Variants in SETX observed in about 807,000 individuals in gnomAD.
SETX encodes senataxin, also known as helicase senataxin.
Under a neutral mutation model 227.2 loss-of-function variants are expected in SETX, and 90 were observed. The ratio of observed to expected loss-of-function variants is 0.40; its 90% CI spans 0.33 to 0.47. The LOEUF (loss-of-function observed/expected upper bound fraction) is 0.47, where lower values mean the gene tolerates loss of function less well. Among genes scored for constraint, SETX ranks in the 20% least tolerant of loss-of-function variants. SETX has a pLI of 0.91. For missense variants in SETX, 3,052 were observed against 3,181.5 expected (o/e 0.96, Z 0.98); for synonymous variants, 1,210 against 1,113.2 (o/e 1.09, Z -1.73).
chr9:132,277,452 T>C (rs1487245941), intron 21 of SETX, among the ~76,000 whole-genome samples: 1 of 152,034 alleles, frequency 6.6e-6, no homozygotes, highest in Non-Finnish European at 1.5e-5. Context: ...CCTTCAAAAA[T>C]TTAAAAAGTA....
chr9:132,307,334 A>G (rs1182307066), intron 11 of SETX, among the ~76,000 whole-genome samples: 1 of 140,224 alleles, frequency 7.1e-6, no homozygotes, highest in Non-Finnish European at 1.5e-5. Context: ...ACAGAGCTAA[A>G]TAAGTTTTTT....
chr9:132,349,142 C>G lies in SETX; in HGVS notation c.177+110G>C, dbSNP rs1036587403. 9 of 1,106,710 alleles carry G rather than the reference C, an allele frequency of 8.1e-6. No individual in the cohort carries two copies. The Admixed American group carries it at 8.9e-5, about 11-fold the overall frequency. The allele number at this position is 1,106,710 out of a possible 1,614,324, so 68.6% of individuals were successfully genotyped here. On this transcript the variant is annotated intron_variant, in intron 3 of 25. Coordinates refer to ENST00000224140, the MANE Select transcript of SETX (RefSeq NM_015046.7). ...AAACAAAAACAAAAAAAAAAACCCA[C>G]AAAGTTGAAATCGTATCATCATTTC...
At chr9:132,292,145 A>G (rs1033326419) in intron 15 of SETX, among the ~76,000 whole-genome samples, 2 of 152,190 alleles carry the variant, frequency 1.3e-5, no homozygotes, top group Non-Finnish European at 2.9e-5. Context: ...GAATAAATAT[A>G]TAATACAGCA....
intron 5 of SETX, among the ~76,000 whole-genome samples, chr9:132,341,659 T>A (rs539279039): frequency 0.059 from 8,987 of 152,264 alleles, 382 homozygotes; most frequent in East Asian, 0.25. Context: ...TGTAAACAGC[T>A]TTTAAAAAGC....
intron 2 of SETX, among the ~76,000 whole-genome samples, chr9:132,352,013 C>T (rs1848629579): frequency 6.6e-6 from 1 of 152,212 alleles, no homozygotes; most frequent in South Asian, 2.1e-4. Context: ...ATCCATTTCT[C>T]AACATTAACT....
intron 15 of SETX, among the ~76,000 whole-genome samples, chr9:132,289,142 T>C (rs775484377): frequency 6.6e-6 from 1 of 152,180 alleles, no homozygotes; most frequent in Non-Finnish European, 1.5e-5. Context: ...ATTGCCATCA[T>C]GTTCCCATGA....
Position 132,335,032 on chromosome 9 carries a change from G to GA in SETX, c.719-306dup, listed in dbSNP as rs58780019. On this transcript the variant is annotated intron_variant, in intron 6 of 25. Coordinates refer to ENST00000224140, the MANE Select transcript of SETX (RefSeq NM_015046.7). ...CCATATTCCATATACCACTAAGAAA[G>GA]AAAAAAAAAATCACTGCCATTTATG... Among the ~76,000 whole-genome samples the GA allele has an allele frequency of 0.088, 13,086 of 148,508 alleles. 780 individuals are homozygous for GA. Among genetic ancestry groups the GA allele is most frequent in the East Asian group, 0.26 (1,328 of 5,110 alleles).
At chr9:132,299,619 A>G (rs988323902) in intron 12 of SETX, among the ~76,000 whole-genome samples, 5 of 152,240 alleles carry the variant, frequency 3.3e-5, no homozygotes, top group African/African-American at 1.2e-4. Context: ...TCTTCACATA[A>G]CTAAGACTAA....
intron 15 of SETX, among the ~76,000 whole-genome samples, chr9:132,294,536 T>C (rs1205863673): frequency 6.6e-6 from 1 of 152,234 alleles, no homozygotes; most frequent in East Asian, 1.9e-4. Flanking sequence ...AAATGAATTC[T>C]ACGTGTAGGT....
intron 24 of SETX, 90 bp from the exon 25 acceptor site, chr9:132,269,792 G>A (rs1472187683): frequency 1.2e-5 from 15 of 1,276,820 alleles, no homozygotes; most frequent in Non-Finnish European, 1.6e-5. Context: ...GACTCAACGT[G>A]CCCGTGTCTG....
chr9:132,296,020 C>T lies in SETX; in HGVS notation c.5958G>A (p.Arg1986=), dbSNP rs1844649298. 1.2e-6 allele frequency: 2 copies of T among 1,614,044 alleles called. No individual in the cohort carries two copies. The highest frequency in any genetic ancestry group is 1.7e-6 in the Non-Finnish European group (2 of 1,180,046). The change falls in exon 15 of 26, where the codon AGG becomes AGA. Residue 1986 remains arginine (R), a synonymous_variant. Coordinates refer to ENST00000224140, the MANE Select transcript of SETX (RefSeq NM_015046.7). ...TGGAGTTTTCGTCTGAATGCCCCTT[C>T]CTCTGGTTCTACAATTTGCCACATA... ...LLYRLLTENQ[R]KGHSDENSNA...
Position 132,340,257 on chromosome 9 carries a change from T to C in SETX, c.498+2433A>G, listed in dbSNP as rs1289539202. Among the ~76,000 whole-genome samples the C allele has an allele frequency of 2.6e-5, 4 of 152,330 alleles. 1 individual carries two copies. The South Asian group carries it at 8.3e-4, about 32-fold the overall frequency. ...GGTCCATGTGCACAATGTGTAGGTT[T>C]GTTGGTTCTCACGTTTTCTAGTTCT... On this transcript the variant is annotated intron_variant, in intron 5 of 25. Coordinates refer to ENST00000224140, the MANE Select transcript of SETX (RefSeq NM_015046.7).
intron 23 of SETX, among the ~76,000 whole-genome samples, chr9:132,273,051 AG>A (rs373423969): frequency 3.5e-4 from 53 of 152,276 alleles, no homozygotes; most frequent in African/African-American, 1.2e-3. Context: ...TGGGCAACTT[AG>A]GAAGACCTTG....
At chr9:132,293,489 T>G (rs1235522369) in intron 15 of SETX, among the ~76,000 whole-genome samples, 2 of 152,132 alleles carry the variant, frequency 1.3e-5, no homozygotes, top group African/African-American at 4.8e-5. Flanking sequence ...GGGCGCGATC[T>G]CGGCTCACTG....
rs1190665958 is a variant in SETX, at chr9:132,330,268, G to A, written c.1330C>T (p.Leu444Phe). ...TCACACACAGCATCTGTTTGGTTGA[G>A]GACTTCTTTGACTTCAGAGTACAGA... ...NHLYSEVKEV[L>F]NQTDAVCDKV... The change falls in exon 10 of 26, where the codon CTC becomes TTC. Residue 444 changes from leucine to phenylalanine, a missense_variant. By Grantham distance (22) the Leu-to-Phe change is conservative. This residue lies in a region of SETX where 179 missense variants were observed against 197.1 expected (regional missense o/e 0.91). Transcript: ENST00000224140. The A allele has an allele frequency of 6.3e-7, 1 of 1,583,272 alleles. No individual in the cohort carries two copies. Among genetic ancestry groups the A allele is most frequent in the Non-Finnish European group, 8.6e-7 (1 of 1,163,394 alleles).
intron 11 of SETX, among the ~76,000 whole-genome samples, chr9:132,306,767 C>G (rs1845358938): frequency 6.6e-6 from 1 of 152,002 alleles, no homozygotes. Flanking sequence ...GTGCAGTGAC[C>G]ATTCACATAT....
intron 2 of SETX, among the ~76,000 whole-genome samples, chr9:132,350,306 C>T (rs1042055818): frequency 1.3e-5 from 2 of 152,022 alleles, no homozygotes; most frequent in African/African-American, 4.8e-5. Context: ...GCCAAGATTG[C>T]GCCACTGCAC....
intron 9 of SETX, 44 bp downstream of exon 9, chr9:132,331,008 T>C (rs1322321761): frequency 7.2e-7 from 1 of 1,395,378 alleles, no homozygotes; most frequent in Non-Finnish European, 1.0e-6. Flanking sequence ...CTACACAATA[T>C]AAAGGCAATA....
chr9:132,265,447 G>A (rs1054347510), intron 25 of SETX, among the ~76,000 whole-genome samples: 34 of 151,846 alleles, frequency 2.2e-4, no homozygotes, highest in Non-Finnish European at 3.8e-4. Context: ...AGATGGTCTC[G>A]ATCTCCTGAC....
Sources: allele counts gnomAD v4.1 joint callset (sites outside exome capture counted in the v4.1 genomes callset), GRCh38; gene constraint gnomAD v4.1.1; regional missense constraint gnomAD v4.1.1; transcripts MANE v1.5; gene names NCBI Gene and HGNC (gene_info 2026-07-23, HGNC 2026-07-21).